Variants in NOX4 observed in about 807,000 individuals in gnomAD.
NOX4 encodes the protein NADPH oxidase 4, also known as kidney oxidase-1.
Under a neutral mutation model 87.6 loss-of-function variants are expected in NOX4, and 69 were observed. That is an observed-to-expected ratio of 0.79 (90% CI 0.65 to 0.96). The LOEUF (loss-of-function observed/expected upper bound fraction) is 0.96, where lower values mean the gene tolerates loss of function less well. Ranked by LOEUF, NOX4 falls within the 40% of genes least tolerant of loss-of-function variation. The pLI is 0.00. For synonymous variants in NOX4, 275 were observed against 238.2 expected (o/e 1.15, Z -1.42); for missense variants, 680 against 681.5 (o/e 1.00, Z 0.02).
intron 3 of NOX4, among the ~76,000 whole-genome samples, chr11:89,450,008 A>C (rs1215021181): frequency 6.6e-6 from 1 of 152,214 alleles, no homozygotes; most frequent in Non-Finnish European, 1.5e-5. Context: ...TCTCATCTAT[A>C]GTTTGAAATG....
chr11:89,430,800 G>T (rs1486289014), intron 7 of NOX4, among the ~76,000 whole-genome samples: 1 of 152,018 alleles, frequency 6.6e-6, no homozygotes, highest in Non-Finnish European at 1.5e-5. Flanking sequence ...TATAGATTCA[G>T]TTGCATCCTC....
chr11:89,537,945 CCT>C, the NOX4 span, among the ~76,000 whole-genome samples: 10 of 152,176 alleles, frequency 6.6e-5, no homozygotes, highest in African/African-American at 2.4e-4. Context: ...ACTTTGATAA[CCT>C]CTCTTTTACT....
chr11:89,369,744 A>G (rs61903451), intron 12 of NOX4, among the ~76,000 whole-genome samples: 110 of 150,084 alleles, frequency 7.3e-4, no homozygotes, highest in Middle Eastern at 3.4e-3. Context: ...TTATTTATTT[A>G]TTTGTTTGTT....
chr11:89,474,888 C>T (rs1222311180), intron 2 of NOX4, among the ~76,000 whole-genome samples: 2 of 151,858 alleles, frequency 1.3e-5, no homozygotes, highest in South Asian at 2.1e-4. Context: ...GGTTAATATA[C>T]TTTGAAAATC....
the NOX4 span, among the ~76,000 whole-genome samples, chr11:89,547,211 A>G: frequency 2.0e-5 from 3 of 152,206 alleles, no homozygotes; most frequent in East Asian, 3.9e-4. Flanking sequence ...CTCATGCCCT[A>G]TATATTGCCA....
At chr11:89,387,844 AG>A (rs1400866463) in intron 11 of NOX4, among the ~76,000 whole-genome samples, 1 of 152,200 alleles carries the variant, frequency 6.6e-6, no homozygotes, top group Non-Finnish European at 1.5e-5. Context: ...TTGATTTGGT[AG>A]AAAGTCTTAA....
the NOX4 span, among the ~76,000 whole-genome samples, chr11:89,565,268 T>C: frequency 3.3e-5 from 5 of 152,150 alleles, no homozygotes; most frequent in East Asian, 9.6e-4. Context: ...ATATCAATAA[T>C]ATTATAATAT....
chr11:89,331,326 A>T (rs978552395), intron 17 of NOX4, among the ~76,000 whole-genome samples: 2 of 151,942 alleles, frequency 1.3e-5, no homozygotes, highest in African/African-American at 4.8e-5. Context: ...TTTTAGCAAA[A>T]GTGGTGTTTA....
chr11:89,577,673 C>T, the NOX4 span: 1 of 152,092 alleles, frequency 6.6e-6, no homozygotes, highest in African/African-American at 2.4e-5. Flanking sequence ...CAGAGAAAAA[C>T]TTTTTTCTAT....
intron 2 of NOX4, among the ~76,000 whole-genome samples, chr11:89,479,880 T>C (rs1565342181): frequency 6.6e-6 from 1 of 152,128 alleles, no homozygotes; most frequent in Non-Finnish European, 1.5e-5. Flanking sequence ...TCACATAGAC[T>C]CACTCACTAC....
the NOX4 span, among the ~76,000 whole-genome samples, chr11:89,568,219 C>T: frequency 6.6e-6 from 1 of 151,820 alleles, no homozygotes; most frequent in African/African-American, 2.4e-5. Context: ...GGAAAACTAG[C>T]AGAAGAAAAG....
At chr11:89,582,728 T>C in the NOX4 span, among the ~76,000 whole-genome samples, 1 of 152,216 alleles carries the variant, frequency 6.6e-6, no homozygotes, top group African/African-American at 2.4e-5. Context: ...CTCAGGCCAG[T>C]GCCTGCAATC....
Position 89,491,283 on chromosome 11 carries a change from G to A in NOX4, c.-37C>T, listed in dbSNP as rs780113489. 8.2e-6 allele frequency: 13 copies of A among 1,592,700 alleles called. No individual in the cohort carries two copies. Among genetic ancestry groups the A allele is most frequent in the South Asian group, 1.1e-5 (1 of 89,268 alleles). On this transcript the variant is annotated 5_prime_UTR_variant, in exon 1 of 18. Coordinates refer to ENST00000263317, the MANE Select transcript of NOX4 (RefSeq NM_016931.5). ...CGCCGCGCTGCGCTCTGTGCCCGCC[G>A]GACCGAGAAGGAGCGGGCGGCGGCC...
At chr11:89,541,051 C>T in the NOX4 span, among the ~76,000 whole-genome samples, 1 of 151,998 alleles carries the variant, frequency 6.6e-6, no homozygotes, top group Admixed American at 6.6e-5. Flanking sequence ...ATCTTTACCC[C>T]GAGGCAGTGT....
chr11:89,491,341 G>A lies in NOX4; in HGVS notation c.-95C>T, dbSNP rs547433207. 52 of 1,173,906 alleles carry A rather than the reference G, an allele frequency of 4.4e-5. No homozygotes were observed. The African/African-American group carries it at 7.8e-4, about 18-fold the overall frequency. The allele number at this position is 1,173,906 out of a possible 1,614,324, so 72.7% of individuals were successfully genotyped here. A position where few individuals can be genotyped will look rare whatever the true frequency, so the allele number is the denominator to read the frequency against. ...CGGTTACAGTTGTGCGGCCTGCCGG[G>A]CCGCTGAGCGAGGACCGAGGGTCAA... is the stretch of plus-strand genomic sequence containing the variant. On this transcript the variant is annotated 5_prime_UTR_variant, in exon 1 of 18. Transcript: ENST00000263317.
chr11:89,573,075 G>T, the NOX4 span, among the ~76,000 whole-genome samples: 5 of 152,090 alleles, frequency 3.3e-5, no homozygotes, highest in African/African-American at 1.2e-4. Flanking sequence ...GACAATGCAA[G>T]CACTGCAGAA....
At chr11:89,537,915 T>C in the NOX4 span, among the ~76,000 whole-genome samples, 1 of 152,164 alleles carries the variant, frequency 6.6e-6, no homozygotes, top group African/African-American at 2.4e-5. Flanking sequence ...TCCTTTTGAG[T>C]TTTCCTACAC....
At chr11:89,570,261 C>T in the NOX4 span, among the ~76,000 whole-genome samples, 2 of 152,204 alleles carry the variant, frequency 1.3e-5, no homozygotes, top group South Asian at 4.1e-4. Flanking sequence ...GAAAAGAAAA[C>T]CAAACACCAC....
chr11:89,395,476 T>G (rs1941420134), intron 11 of NOX4, among the ~76,000 whole-genome samples: 1 of 152,214 alleles, frequency 6.6e-6, no homozygotes, highest in Non-Finnish European at 1.5e-5. Flanking sequence ...TGATGGTAGT[T>G]TCTTTTGCTG....
Sources: allele counts gnomAD v4.1 joint callset (sites outside exome capture counted in the v4.1 genomes callset), GRCh38; gene constraint gnomAD v4.1.1; transcripts MANE v1.5; gene names NCBI Gene and HGNC (gene_info 2026-07-23, HGNC 2026-07-21).